Variants in NFE2L1 observed in about 807,000 individuals in gnomAD.
NFE2L1 encodes endoplasmic reticulum membrane sensor NFE2L1.
A neutral mutation model predicts 61.6 loss-of-function variants in NFE2L1; 18 were observed. The observed-to-expected ratio is 0.29, with a 90% CI of 0.20 to 0.43. NFE2L1 has a LOEUF of 0.43. Among genes scored for constraint, NFE2L1 ranks in the 20% least tolerant of loss-of-function variants. The pLI, the probability that NFE2L1 is intolerant of heterozygous loss-of-function variation, is 1.00. For synonymous variants in NFE2L1, 419 were observed against 402.7 expected, an observed-to-expected ratio of 1.04 and a Z score of -0.48; for missense variants, 827 against 973.5, an observed-to-expected ratio of 0.85 and a Z score of 2.00.
At position 48,059,647 on chromosome 17, in the gene NFE2L1, G is replaced by T; in HGVS notation, c.*6G>T. 1 of 1,535,746 alleles carries T rather than the reference G, an allele frequency of 6.5e-7. No individual in the cohort carries two copies. Among genetic ancestry groups the T allele is most frequent in the Non-Finnish European group, 8.8e-7 (1 of 1,142,638 alleles). On this transcript the variant is annotated 3_prime_UTR_variant, in exon 6 of 6. Coordinates refer to ENST00000362042, the MANE Select transcript of NFE2L1 (RefSeq NM_003204.3). The surrounding 1 kb of genome is among the most constrained non-coding windows in gnomAD (Gnocchi z 6.1). ...CAAAGGACCGGAGAAAGTGAGCCTG[G>T]GGAAGAAGGGGGTTTGAAGCCCACC...
At chr17:48,055,633 G>A (rs2037382385) in intron 2 of NFE2L1, among the ~76,000 whole-genome samples, 1 of 152,026 alleles carries the variant, frequency 6.6e-6, no homozygotes, top group African/African-American at 2.4e-5. Flanking sequence ...CCCGAGCAGG[G>A]GGTGGGGTGC....
intron 3 of NFE2L1, 29 bp downstream of exon 3, chr17:48,056,627 C>T: frequency 1.2e-6 from 2 of 1,607,220 alleles, no homozygotes; most frequent in South Asian, 2.2e-5. Context: ...ACTGGGCTCT[C>T]TTCTTGTCCC....
At chr17:48,050,511 GT>G (rs2037223555) in intron 1 of NFE2L1, 95 bp from the exon 2 acceptor site, 2 of 396,888 alleles carry the variant, frequency 5.0e-6, no homozygotes, top group South Asian at 2.7e-4. Flanking sequence ...TCCTTTGAAT[GT>G]GTTTTCTACC....
At position 48,060,024 on chromosome 17, in the gene NFE2L1, AGGAAGGAAGGAACCCCC is replaced by A. The variant is rs2144402960; in HGVS notation, c.*384_*400del. 1 of 113,370 alleles carries A rather than the reference AGGAAGGAAGGAACCCCC, an allele frequency of 8.8e-6. No individual in the cohort carries two copies. The highest frequency in any genetic ancestry group is 3.6e-4 in the South Asian group (1 of 2,760). The allele number at this position is 113,370 out of a possible 1,614,324, so 7.0% of individuals were successfully genotyped here. A position where few individuals can be genotyped will look rare whatever the true frequency, so the allele number is the denominator to read the frequency against. Reference sequence around the variant, plus strand: ...ATTTCAGGAAGGAGGGATAGAAGGAAGGAAGGAAGGAACCCCCCCCCCCCCGAAAAAAAAATCAAAGC... The same window carrying A: ...ATTTCAGGAAGGAGGGATAGAAGGAACCCCCCCCGAAAAAAAAATCAAAGC... On this transcript the variant is annotated 3_prime_UTR_variant, in exon 6 of 6. Coordinates refer to ENST00000362042, the MANE Select transcript of NFE2L1 (RefSeq NM_003204.3).
chr17:48,050,487 A>C (rs977184611), intron 1 of NFE2L1, 120 bp from the exon 2 acceptor site: 1 of 395,102 alleles, frequency 2.5e-6, no homozygotes, highest in Non-Finnish European at 4.5e-6. Flanking sequence ...TCAAAAAAAA[A>C]AAAAGTGAAA....
Position 48,050,933 on chromosome 17 carries a change from G to A in NFE2L1, c.-186G>A, listed in dbSNP as rs1043352674. Reference sequence around the variant, plus strand: ...GGTCTGGAGTGTGTCCTTGGCCTTGGCTCCACAGGGTGTGCTTTCCTCTGG... The same window carrying A: ...GGTCTGGAGTGTGTCCTTGGCCTTGACTCCACAGGGTGTGCTTTCCTCTGG... On this transcript the variant is annotated 5_prime_UTR_variant, in exon 2 of 6. It introduces an in-frame stop codon into an upstream open reading frame of the 5' UTR. Transcript: ENST00000362042. 4.5e-6 allele frequency: 3 copies of A among 663,652 alleles called. No homozygotes were observed. Among genetic ancestry groups the A allele is most frequent in the Non-Finnish European group, 5.2e-6 (2 of 386,204 alleles). The allele number at this position is 663,652 out of a possible 1,614,324, so 41.1% of individuals were successfully genotyped here.
Position 48,057,511 on chromosome 17 carries a change from G to A in NFE2L1, c.972+9G>A. ...CCATCATGGAAATGCAGGTAGGATT[G>A]TCGGAACCGGGCACAAACCTATTGG... On this transcript the variant is annotated intron_variant, in intron 5 of 5. Coordinates refer to ENST00000362042, the MANE Select transcript of NFE2L1 (RefSeq NM_003204.3). 1 of 1,610,022 alleles carries A rather than the reference G, an allele frequency of 6.2e-7. No homozygotes were observed.
In NFE2L1 at chr17:48,051,462, G is replaced by C; in HGVS notation, c.344G>C (p.Gly115Ala). 1 of 1,614,124 alleles carries C rather than the reference G, an allele frequency of 6.2e-7. No individual in the cohort carries two copies. Among genetic ancestry groups the C allele is most frequent in the East Asian group, 2.2e-5 (1 of 44,874 alleles). ...VHRDPEGSVSGSQPNSGLALE... is the reference protein window; with the variant it reads ...VHRDPEGSVSASQPNSGLALE... Reference sequence around the variant, plus strand: ...CGAGACCCAGAGGGGTCTGTCTCTGGCAGTCAGCCCAACTCAGGCCTCGCC... The same window carrying C: ...CGAGACCCAGAGGGGTCTGTCTCTGCCAGTCAGCCCAACTCAGGCCTCGCC... Residue 115 changes from glycine to alanine, a missense_variant, in exon 2 of 6, where the codon GGC (glycine) becomes GCC (alanine). Coordinates refer to ENST00000362042, the MANE Select transcript of NFE2L1 (RefSeq NM_003204.3).
chr17:48,059,516 C>A lies in NFE2L1; in HGVS notation c.2194C>A (p.Pro732Thr). The A allele has an allele frequency of 6.2e-7, 1 of 1,613,970 alleles. No individual in the cohort carries two copies. The highest frequency in any genetic ancestry group is 8.5e-7 in the Non-Finnish European group (1 of 1,179,910). ...FGRLRDENGR[P>T]YSPSQYALQY... ...GCGGCTGCGAGATGAGAACGGACGACCCTACTCGCCCAGTCAGTATGCGCT... is the reference window on the plus strand; with the variant it reads ...GCGGCTGCGAGATGAGAACGGACGAACCTACTCGCCCAGTCAGTATGCGCT... The change falls in exon 6 of 6, where the codon CCC (proline) becomes ACC (threonine). Residue 732 changes from proline (P) to threonine (T), a missense_variant. This residue lies in a region of NFE2L1 where 86 missense variants were observed against 97.3 expected (regional missense o/e 0.88). Transcript: ENST00000362042. The surrounding 1 kb of genome is among the most constrained non-coding windows in gnomAD (Gnocchi z 6.1).
rs2037421305 is a variant in NFE2L1, at chr17:48,057,087, T to A, written c.779T>A (p.Leu260Gln). Residue 260 changes from leucine (L) to glutamine (Q), a missense_variant, in exon 4 of 6, where the codon CTG becomes CAG. This residue lies in a region of NFE2L1 where 667 missense variants were observed against 748.4 expected (regional missense o/e 0.89). Coordinates refer to ENST00000362042, the MANE Select transcript of NFE2L1 (RefSeq NM_003204.3). ...ALSLEECLRL[L>Q]EATCPFGENA... Reference sequence around the variant, plus strand: ...TCCCTGGAAGAGTGCCTTAGGCTGCTGGAAGCCACCTGCCCCTTTGGGGAG... The same window carrying A: ...TCCCTGGAAGAGTGCCTTAGGCTGCAGGAAGCCACCTGCCCCTTTGGGGAG... The A allele has an allele frequency of 6.2e-7, 1 of 1,613,318 alleles. No individual in the cohort carries two copies. Among genetic ancestry groups the A allele is most frequent in the South Asian group, 1.1e-5 (1 of 90,960 alleles).
chr17:48,058,724 C>T lies in NFE2L1; in HGVS notation c.1402C>T (p.Gln468Ter). 1 of 1,614,226 alleles carries T rather than the reference C, an allele frequency of 6.2e-7. No individual in the cohort carries two copies. The highest frequency in any genetic ancestry group is 2.2e-5 in the East Asian group (1 of 44,886). The part of the protein sequence containing the change: ...EEGFNPVQAS[Q>*]LEEEFDSDSG... ...AGGCTTTAACCCTGTGCAGGCCTCC[C>T]AGCTGGAGGAGGAATTTGACTCTGA... The change falls in exon 6 of 6, where the codon CAG becomes TAG. Residue 468 changes from glutamine (Q) to a stop codon, truncating the protein, a stop_gained. Coordinates refer to ENST00000362042, the MANE Select transcript of NFE2L1 (RefSeq NM_003204.3). LOFTEE classifies it high-confidence loss of function.
chr17:48,056,978 G>A, intron 3 of NFE2L1, 54 bp from the exon 4 acceptor site: 1 of 1,576,514 alleles, frequency 6.3e-7, no homozygotes. Flanking sequence ...AGAAGCTTCA[G>A]CCCCAGGCAG....
At chr17:48,055,197 G>A (rs1296046244) in intron 2 of NFE2L1, 25 of 1,295,726 alleles carry the variant, frequency 1.9e-5, no homozygotes, top group Non-Finnish European at 2.4e-5. Context: ...GGAGGTCTTA[G>A]GGTCAGGGGG....
chr17:48,054,725 C>T, intron 2 of NFE2L1: 2 of 1,294,104 alleles, frequency 1.5e-6, no homozygotes, highest in Non-Finnish European at 9.8e-7. Context: ...GAGCACGGAG[C>T]ATGGGGTGGG....
In NFE2L1 at chr17:48,058,937, G is replaced by A. The variant is rs2037477360; in HGVS notation, c.1615G>A (p.Glu539Lys). The A allele has an allele frequency of 3.1e-6, 5 of 1,614,008 alleles. No individual in the cohort carries two copies. The highest frequency in any genetic ancestry group is 4.2e-6 in the Non-Finnish European group (5 of 1,180,034). The change falls in exon 6 of 6, where the codon GAG becomes AAG. Residue 539 changes from glutamate to lysine, a missense_variant. Glu to Lys is a moderately conservative substitution (Grantham distance 56). Transcript: ENST00000362042. ...DSETLDLEEA[E>K]GAVGYQPEYS... Reference sequence around the variant, plus strand: ...TGAGACCCTGGATCTGGAAGAGGCCGAGGGTGCTGTGGGCTACCAGCCTGA... The same window carrying A: ...TGAGACCCTGGATCTGGAAGAGGCCAAGGGTGCTGTGGGCTACCAGCCTGA...
intron 2 of NFE2L1, among the ~76,000 whole-genome samples, chr17:48,053,701 A>G (rs922603210): frequency 1.3e-5 from 2 of 152,170 alleles, no homozygotes; most frequent in Non-Finnish European, 2.9e-5. Flanking sequence ...AGCAGTGGGG[A>G]GGGAGCTAAA....
rs1567758205 is a variant in NFE2L1, at chr17:48,060,048, C to A, written c.*407C>A. 6.6e-6 allele frequency: 1 copy of A among 150,890 alleles called. No individual in the cohort carries two copies. Among genetic ancestry groups the A allele is most frequent in the East Asian group, 2.0e-4 (1 of 5,024 alleles). 9.3% of individuals were successfully genotyped at this position (150,890 alleles called of 1,614,324 possible). ...AAGGAAGGAAGGAACCCCCCCCCCC[C>A]CGAAAAAAAAATCAAAGCGGGAAGA... is the stretch of plus-strand genomic sequence containing the variant. On this transcript the variant is annotated 3_prime_UTR_variant, in exon 6 of 6. Transcript: ENST00000362042.
chr17:48,057,667 T>C (rs892206226), intron 5 of NFE2L1, among the ~76,000 whole-genome samples, 165 bp downstream of exon 5: 1 of 152,130 alleles, frequency 6.6e-6, no homozygotes, highest in African/African-American at 2.4e-5. Flanking sequence ...CTTGGGGCAA[T>C]GGGAGCTGGA....
In NFE2L1 at chr17:48,057,391, T is replaced by G; in HGVS notation, c.861T>G (p.Ser287Arg). 1 of 1,614,092 alleles carries G rather than the reference T, an allele frequency of 6.2e-7. No individual in the cohort carries two copies. Among genetic ancestry groups the G allele is most frequent in the Non-Finnish European group, 8.5e-7 (1 of 1,180,002 alleles). The change falls in exon 5 of 6, where the codon AGT (serine) becomes AGG (arginine). Residue 287 changes from serine (S) to arginine (R), a missense_variant. Ser to Arg is a moderately radical substitution (Grantham distance 110). Coordinates refer to ENST00000362042, the MANE Select transcript of NFE2L1 (RefSeq NM_003204.3). ...SSITEAVPSE[S>R]EPPALQNNLL... ...TAACAGAAGCAGTGCCTAGTGAGAGTGAGCCCCCTGCTCTTCAAAACAACC... is the reference window on the plus strand; with the variant it reads ...TAACAGAAGCAGTGCCTAGTGAGAGGGAGCCCCCTGCTCTTCAAAACAACC...
Sources: allele counts gnomAD v4.1 joint callset (sites outside exome capture counted in the v4.1 genomes callset), GRCh38; gene constraint gnomAD v4.1.1; regional missense constraint gnomAD v4.1.1; non-coding constraint Gnocchi (gnomAD v3.1); transcripts MANE v1.5; gene names NCBI Gene and HGNC (gene_info 2026-07-23, HGNC 2026-07-21).